Variants in OR4E2 observed in about 807,000 individuals in gnomAD.
OR4E2 encodes olfactory receptor family 4 subfamily E member 2, also known as olfactory receptor 4E2.
Under a neutral mutation model 11.0 loss-of-function variants are expected in OR4E2, and 9 were observed. That is an observed-to-expected ratio of 0.82 (90% CI 0.49 to 1.43). The LOEUF (loss-of-function observed/expected upper bound fraction) is 1.43. Ranked by LOEUF, OR4E2 falls within the 40% of genes most tolerant of loss-of-function variation. OR4E2 has a pLI of 0.00. For missense variants in OR4E2, 441 were observed against 382.0 expected (o/e 1.15, Z -1.29); for synonymous variants, 159 against 147.3 (o/e 1.08, Z -0.57).
chr14:21,662,413 T>G (rs911956857), intron 3 of OR4E2, among the ~76,000 whole-genome samples: 1 of 152,176 alleles, frequency 6.6e-6, no homozygotes, highest in Admixed American at 6.5e-5. Context: ...GCAATTCTCC[T>G]GCCTCAGCCT....
In OR4E2 at chr14:21,656,551, C is replaced by T. The variant is rs763528449; in HGVS notation, c.-141C>T. 6.6e-6 allele frequency: 1 copy of T among 152,086 alleles called. No individual in the cohort carries two copies. The highest frequency in any genetic ancestry group is 2.4e-5 in the African/African-American group (1 of 41,416). 9.4% of individuals were successfully genotyped at this position (152,086 alleles called of 1,614,324 possible). A position where few individuals can be genotyped will look rare whatever the true frequency, so the allele number is the denominator to read the frequency against. ...AAATAACATTATAGTAACTTTATAA[C>T]AATTAGCTAAAGCATCCCTGCACAA... On this transcript the variant is annotated 5_prime_UTR_variant, in exon 2 of 4. Coordinates refer to ENST00000641524, the MANE Select transcript of OR4E2 (RefSeq NM_001001912.3).
At position 21,666,192 on chromosome 14, in the gene OR4E2, A is replaced by C; in HGVS notation, c.*168A>C. 1 of 512,142 alleles carries C rather than the reference A, an allele frequency of 2.0e-6. No individual in the cohort carries two copies. The highest frequency in any genetic ancestry group is 3.4e-5 in the South Asian group (1 of 29,572). The allele number at this position is 512,142 out of a possible 1,614,324, so 31.7% of individuals were successfully genotyped here. A position where few individuals can be genotyped will look rare whatever the true frequency, so the allele number is the denominator to read the frequency against. On this transcript the variant is annotated 3_prime_UTR_variant, in exon 4 of 4. Transcript: ENST00000641524. Reference sequence around the variant, plus strand: ...ACTTATTCTGTTCATTAAAGATAAGAACTTATTAACTATTATTTAAATAAA... The same window carrying C: ...ACTTATTCTGTTCATTAAAGATAAGCACTTATTAACTATTATTTAAATAAA...
At chr14:21,654,563 T>C (rs1879836229) in intron 1 of OR4E2, among the ~76,000 whole-genome samples, 1 of 152,096 alleles carries the variant, frequency 6.6e-6, no homozygotes, top group South Asian at 2.1e-4. Flanking sequence ...TAGCCAAATC[T>C]GTAGTCATCC....
At position 21,656,499 on chromosome 14, in the gene OR4E2, T is replaced by C. The variant is rs533248322; in HGVS notation, c.-190-3T>C. On this transcript the variant is annotated splice_polypyrimidine_tract_variant and splice_region_variant and intron_variant, in intron 1 of 3. Coordinates refer to ENST00000641524, the MANE Select transcript of OR4E2 (RefSeq NM_001001912.3). ...GATTTTGCTTTTTCTGTTTCATTTC[T>C]AGAAACAATTATGAGAAAAGTGAAT... The C allele has an allele frequency of 1.3e-5, 2 of 152,378 alleles. No individual in the cohort carries two copies. Among genetic ancestry groups the C allele is most frequent in the African/African-American group, 4.8e-5 (2 of 41,592 alleles). 9.4% of individuals were successfully genotyped at this position (152,378 alleles called of 1,614,324 possible). A position where few individuals can be genotyped will look rare whatever the true frequency, so the allele number is the denominator to read the frequency against.
Position 21,665,635 on chromosome 14 carries a change from A to G in OR4E2, c.553A>G (p.Ile185Val), listed in dbSNP as rs72686096. ...DSYFCDVPLV[I>V]KLACTDTYLT... ...CTACTTCTGTGATGTGCCTCTTGTT[A>G]TCAAGCTGGCCTGCACAGATACATA... is the stretch of plus-strand genomic sequence containing the variant. Residue 185 changes from isoleucine (I) to valine (V), a missense_variant, in exon 4 of 4, where the codon ATC (isoleucine) becomes GTC (valine). Coordinates refer to ENST00000641524, the MANE Select transcript of OR4E2 (RefSeq NM_001001912.3). The G allele has an allele frequency of 4.3e-5, 69 of 1,614,110 alleles. No individual in the cohort carries two copies. Among genetic ancestry groups the G allele is most frequent in the Non-Finnish European group, 5.8e-5 (69 of 1,180,008 alleles).
chr14:21,666,810 G>C lies in OR4E2; in HGVS notation c.*786G>C. 1 of 150,802 alleles carries C rather than the reference G, an allele frequency of 6.6e-6. No homozygotes were observed. The highest frequency in any genetic ancestry group is 6.6e-5 in the Admixed American group (1 of 15,108). The allele number at this position is 150,802 out of a possible 1,614,324, so 9.3% of individuals were successfully genotyped here. On this transcript the variant is annotated 3_prime_UTR_variant, in exon 4 of 4. Transcript: ENST00000641524. Reference sequence around the variant, plus strand: ...AGGTTTAAGTGATTCTCCTGCCTCAGCCTCCTGAATAGCTGGGACTATAGG... The same window carrying C: ...AGGTTTAAGTGATTCTCCTGCCTCACCCTCCTGAATAGCTGGGACTATAGG...
At chr14:21,656,036 G>C (rs1879924043) in intron 1 of OR4E2, among the ~76,000 whole-genome samples, 1 of 151,992 alleles carries the variant, frequency 6.6e-6, no homozygotes, top group African/African-American at 2.4e-5. Flanking sequence ...TCAGCACTTT[G>C]GGAGGCTGAG....
Position 21,666,860 on chromosome 14 carries a change from T to G in OR4E2, c.*836T>G, listed in dbSNP as rs1052495738. The G allele has an allele frequency of 6.6e-6, 1 of 152,078 alleles. No individual in the cohort carries two copies. Among genetic ancestry groups the G allele is most frequent in the African/African-American group, 2.4e-5 (1 of 41,418 alleles). 9.4% of individuals were successfully genotyped at this position (152,078 alleles called of 1,614,324 possible). ...GTGCATGCCATCATGCCTGGCTAAT[T>G]TTTATATGTTTAGTAGAGATGAGGT... On this transcript the variant is annotated 3_prime_UTR_variant, in exon 4 of 4. Coordinates refer to ENST00000641524, the MANE Select transcript of OR4E2 (RefSeq NM_001001912.3).
chr14:21,661,233 G>A (rs2139806399), intron 3 of OR4E2, among the ~76,000 whole-genome samples: 1 of 152,148 alleles, frequency 6.6e-6, no homozygotes, highest in African/African-American at 2.4e-5. Flanking sequence ...ACTATCTTGT[G>A]TCCTTCTAGG....
intron 2 of OR4E2, among the ~76,000 whole-genome samples, chr14:21,659,379 G>A (rs1880187879): frequency 6.6e-6 from 1 of 152,160 alleles, no homozygotes. Context: ...TATTCAGTGA[G>A]TTCTTCCTTT....
chr14:21,660,501 C>T (rs546069022), intron 2 of OR4E2, among the ~76,000 whole-genome samples, 152 bp from the exon 3 acceptor site: 5 of 152,174 alleles, frequency 3.3e-5, no homozygotes, highest in African/African-American at 4.8e-5. Flanking sequence ...TGGTAGGAGA[C>T]GAGGTCAGAG....
chr14:21,664,301 A>T (rs1376121744), intron 3 of OR4E2, among the ~76,000 whole-genome samples: 1 of 152,160 alleles, frequency 6.6e-6, no homozygotes, highest in Non-Finnish European at 1.5e-5. Flanking sequence ...ATAATAGCCA[A>T]TGGTATCTCA....
In OR4E2 at chr14:21,667,320, C is replaced by T. The variant is rs571111709; in HGVS notation, c.*1296C>T. 1 of 152,090 alleles carries T rather than the reference C, an allele frequency of 6.6e-6. No homozygotes were observed. The highest frequency in any genetic ancestry group is 2.4e-5 in the African/African-American group (1 of 41,406). The allele number at this position is 152,090 out of a possible 1,614,324, so 9.4% of individuals were successfully genotyped here. On this transcript the variant is annotated 3_prime_UTR_variant, in exon 4 of 4. Coordinates refer to ENST00000641524, the MANE Select transcript of OR4E2 (RefSeq NM_001001912.3). ...GTATTCTGGAGAACTGGAGAGCAGACAACATAGCCATCCACACATTACAGA... is the reference window on the plus strand; with the variant it reads ...GTATTCTGGAGAACTGGAGAGCAGATAACATAGCCATCCACACATTACAGA...
rs147301491 is a variant in OR4E2 at position 21,661,372 on chromosome 14, C to T, written c.-9+626C>T. Among the ~76,000 whole-genome samples, 405 of 152,250 alleles carry T rather than the reference C, an allele frequency of 2.7e-3. 5 individuals carry two copies. Among genetic ancestry groups the T allele is most frequent in the African/African-American group, 9.2e-3 (384 of 41,534 alleles). ...TATGCATACACACACAAATCTTTTT[C>T]GATTTCTTTCTTCCTTTGTTCATTC... is the stretch of plus-strand genomic sequence containing the variant. On this transcript the variant is annotated intron_variant, in intron 3 of 3. Coordinates refer to ENST00000641524, the MANE Select transcript of OR4E2 (RefSeq NM_001001912.3).
chr14:21,661,776 C>A lies in OR4E2; in HGVS notation c.-9+1030C>A, dbSNP rs115919071. Reference sequence around the variant, plus strand: ...TGTACTAAAATGTGTTTATCTAGTCCTCTATTGAGAAACATTCAGTTTGTT... The same window carrying A: ...TGTACTAAAATGTGTTTATCTAGTCATCTATTGAGAAACATTCAGTTTGTT... On this transcript the variant is annotated intron_variant, in intron 3 of 3. Transcript: ENST00000641524. Among the ~76,000 whole-genome samples, 740 of 152,172 alleles carry A rather than the reference C, an allele frequency of 4.9e-3. 5 individuals are homozygous for A. Among genetic ancestry groups the A allele is most frequent in the African/African-American group, 0.017 (701 of 41,528 alleles).
Position 21,657,402 on chromosome 14 carries a change from C to T in OR4E2, c.-103+813C>T, listed in dbSNP as rs28569831. Among the ~76,000 whole-genome samples the T allele has an allele frequency of 8.3e-3, 1,106 of 133,556 alleles. 71 individuals carry two copies. Among genetic ancestry groups the T allele is most frequent in the Admixed American group, 0.072 (877 of 12,248 alleles). The allele number at this position is 133,556 out of a possible 152,430, so 87.6% of individuals were successfully genotyped here. ...CCTTCCTTCCTTTCTTTCTTCCTTC[C>T]TTCCTTTCTTTCTTTCTTTCTCTTT... On this transcript the variant is annotated intron_variant, in intron 2 of 3. Coordinates refer to ENST00000641524, the MANE Select transcript of OR4E2 (RefSeq NM_001001912.3).
intron 2 of OR4E2, among the ~76,000 whole-genome samples, chr14:21,660,129 G>A (rs1350837807): frequency 6.6e-6 from 1 of 152,052 alleles, no homozygotes; most frequent in Non-Finnish European, 1.5e-5. Flanking sequence ...GGGTGGGGGC[G>A]ATTGGTTTCA....
chr14:21,658,424 T>C (rs528611938), intron 2 of OR4E2, among the ~76,000 whole-genome samples: 7 of 152,304 alleles, frequency 4.6e-5, no homozygotes, highest in Admixed American at 3.9e-4. Flanking sequence ...GCTAACACGA[T>C]AATGGTCTAC....
At position 21,665,806 on chromosome 14, in the gene OR4E2, G is replaced by A. The variant is rs752043828; in HGVS notation, c.724G>A (p.Ala242Thr). 5 of 1,613,536 alleles carry A rather than the reference G, an allele frequency of 3.1e-6. No individual in the cohort carries two copies. Among genetic ancestry groups the A allele is most frequent in the East Asian group, 2.2e-5 (1 of 44,874 alleles). Residue 242 changes from alanine (A) to threonine (T), a missense_variant, in exon 4 of 4, where the codon GCC becomes ACC. Physicochemically the swap from Ala to Thr is moderately conservative, Grantham distance 58 (BLOSUM62 0). Transcript: ENST00000641524. The part of the protein sequence containing the change: ...GRRKALSTCS[A>T]HFMVVALFFG... ...CCGGAAAGCCCTGTCTACCTGCTCG[G>A]CCCACTTCATGGTGGTTGCCCTCTT...
Sources: allele counts gnomAD v4.1 joint callset (sites outside exome capture counted in the v4.1 genomes callset), GRCh38; gene constraint gnomAD v4.1.1; transcripts MANE v1.5; gene names NCBI Gene and HGNC (gene_info 2026-07-23, HGNC 2026-07-21).